The following CDYL variants were observed in gnomAD, a reference collection of about 807,000 sequenced individuals.
CDYL encodes chromodomain Y like.
CDYL carries 8 observed loss-of-function variants against 47.3 expected under a neutral mutation model. That is an observed-to-expected ratio of 0.17 (90% CI 0.10 to 0.31). The LOEUF (loss-of-function observed/expected upper bound fraction) is 0.31. Ranked by LOEUF, CDYL falls within the 10% of genes least tolerant of loss-of-function variation. The probability of loss-of-function intolerance (pLI) is 1.00; values close to 1 mark genes in which losing one functional copy is unlikely to be tolerated. For missense variants in CDYL, 471 were observed against 701.4 expected (o/e 0.67, Z 3.71); for synonymous variants, 266 against 265.0 (o/e 1.00, Z -0.04).
In CDYL at chr6:4,892,329, C is replaced by T; in HGVS notation, c.641C>T (p.Pro214Leu). 1 of 1,613,922 alleles carries T rather than the reference C, an allele frequency of 6.2e-7. No homozygotes were observed. ...ATACACCCACTAGTGCCTCAGGTGC[C>T]CGGCCCTGTGACTGCAGCCATGGCC... is the stretch of plus-strand genomic sequence containing the variant. The part of the protein sequence containing the change: ...PRIHPLVPQV[P>L]GPVTAAMATG... The change falls in exon 2 of 7, where the codon CCC (proline) becomes CTC (leucine). Residue 214 changes from proline (P) to leucine (L), a missense_variant. Physicochemically the swap from Pro to Leu is moderately conservative, Grantham distance 98 (BLOSUM62 -3). Around this residue, in one of 3 missense-constraint regions of CDYL, gnomAD observed 311 missense variants for 350.0 expected, o/e 0.89. Transcript: ENST00000397588.
At chr6:4,899,367 CA>C (rs1756945782) in intron 2 of CDYL, among the ~76,000 whole-genome samples, 1 of 152,164 alleles carries the variant, frequency 6.6e-6, no homozygotes, top group Non-Finnish European at 1.5e-5. Context: ...AAGAGGTCTC[CA>C]CACAAAAGAG....
At chr6:4,867,550 T>C (rs1761355613) in intron 1 of CDYL, among the ~76,000 whole-genome samples, 1 of 152,142 alleles carries the variant, frequency 6.6e-6, no homozygotes, top group African/African-American at 2.4e-5. Flanking sequence ...TTTTATTAAA[T>C]GCTTTGTCAA....
chr6:4,848,173 CAG>C (rs1346705570), intron 1 of CDYL, among the ~76,000 whole-genome samples: 1 of 152,068 alleles, frequency 6.6e-6, no homozygotes, highest in African/African-American at 2.4e-5. Context: ...CAATGTAAGG[CAG>C]GGTATTTTTG....
At chr6:4,750,988 G>A (rs1757979633) in intron 3 of CDYL, among the ~76,000 whole-genome samples, 1 of 151,670 alleles carries the variant, frequency 6.6e-6, no homozygotes, top group African/African-American at 2.4e-5. Context: ...GAGTAGCTGG[G>A]ACTACAGGCA....
chr6:4,949,815 GT>G (rs1406311453), intron 5 of CDYL, among the ~76,000 whole-genome samples: 2 of 152,248 alleles, frequency 1.3e-5, no homozygotes, highest in Non-Finnish European at 2.9e-5. Context: ...TGTTGTTGTT[GT>G]TTTCTTGGGT....
intron 3 of CDYL, among the ~76,000 whole-genome samples, chr6:4,749,409 G>A (rs974988788): frequency 1.6e-4 from 25 of 152,058 alleles, no homozygotes; most frequent in African/African-American, 6.0e-4. Context: ...ATGAATGAAT[G>A]TATGATGGAT....
At chr6:4,741,831 T>C (rs1757801890) in intron 3 of CDYL, among the ~76,000 whole-genome samples, 1 of 152,208 alleles carries the variant, frequency 6.6e-6, no homozygotes. Flanking sequence ...ACTGGTCCTC[T>C]GGCAGATATA....
At chr6:4,846,271 G>C (rs1379446351) in intron 1 of CDYL, among the ~76,000 whole-genome samples, 2 of 151,912 alleles carry the variant, frequency 1.3e-5, no homozygotes, top group South Asian at 4.2e-4. Context: ...AACCCCACAG[G>C]GTGCACGGCA....
rs144480558 is a variant in CDYL, at chr6:4,711,998, G to A, written c.-38-3743G>A. On this transcript the variant is annotated intron_variant, in intron 1 of 8. Transcript: ENST00000328908. ...GAGGATCGCTTGAGCCCAGAAGGTCGAGGCTGCAGTGAGCCATAACCACGC... is the reference window on the plus strand; with the variant it reads ...GAGGATCGCTTGAGCCCAGAAGGTCAAGGCTGCAGTGAGCCATAACCACGC... Among the ~76,000 whole-genome samples, 989 of 152,290 alleles carry A rather than the reference G, an allele frequency of 6.5e-3. 13 individuals are homozygous for A. The highest frequency in any genetic ancestry group is 0.022 in the African/African-American group (929 of 41,550).
At chr6:4,925,496 C>G (rs987829842) in intron 2 of CDYL, among the ~76,000 whole-genome samples, 1 of 147,738 alleles carries the variant, frequency 6.8e-6, no homozygotes, top group African/African-American at 2.5e-5. Flanking sequence ...ACTGCAAGCT[C>G]CGCCTCCCAG....
chr6:4,855,804 A>C (rs1439318722), intron 1 of CDYL, among the ~76,000 whole-genome samples: 1 of 152,208 alleles, frequency 6.6e-6, no homozygotes, highest in East Asian at 1.9e-4. Flanking sequence ...TTTATGACAC[A>C]CTAAGGGGTC....
At chr6:4,941,832 G>A (rs941520989) in intron 4 of CDYL, among the ~76,000 whole-genome samples, 72 of 152,124 alleles carry the variant, frequency 4.7e-4, no homozygotes, top group African/African-American at 1.6e-3. Context: ...CCAGATGTCA[G>A]CCTGGGCAAC....
intron 2 of CDYL, among the ~76,000 whole-genome samples, chr6:4,922,403 GATTA>G (rs1306589581): frequency 6.6e-6 from 1 of 152,328 alleles, no homozygotes; most frequent in South Asian, 2.1e-4. Flanking sequence ...GAGGACAGAT[GATTA>G]ATTAATATGT....
At chr6:4,729,411 C>T (rs147624932) in intron 2 of CDYL, among the ~76,000 whole-genome samples, 2 of 152,206 alleles carry the variant, frequency 1.3e-5, no homozygotes, top group East Asian at 3.9e-4. Flanking sequence ...ATTTCTAGAC[C>T]TTGATACCTT....
At chr6:4,769,177 G>A (rs778140029) in intron 3 of CDYL, among the ~76,000 whole-genome samples, 4 of 152,150 alleles carry the variant, frequency 2.6e-5, no homozygotes, top group Admixed American at 6.5e-5. Context: ...TGAATAAAGC[G>A]TGTATTTTAG....
intron 4 of CDYL, 148 bp from the exon 5 acceptor site, chr6:4,943,398 A>G: frequency 1.6e-6 from 1 of 627,776 alleles, no homozygotes. Context: ...TCTAGGGTCC[A>G]CAACTGCTGG....
At chr6:4,944,079 A>T (rs887968678) in intron 5 of CDYL, among the ~76,000 whole-genome samples, 1 of 152,226 alleles carries the variant, frequency 6.6e-6, no homozygotes, top group African/African-American at 2.4e-5. Flanking sequence ...CACTTTTAAG[A>T]GAAGGCAATT....
At chr6:4,742,399 G>C (rs1011794600) in intron 3 of CDYL, among the ~76,000 whole-genome samples, 2 of 150,734 alleles carry the variant, frequency 1.3e-5, no homozygotes, top group African/African-American at 4.9e-5. Flanking sequence ...AAAAGGAAGA[G>C]AGAAATATTG....
At chr6:4,948,809 A>G (rs572937265) in intron 5 of CDYL, among the ~76,000 whole-genome samples, 1 of 152,382 alleles carries the variant, frequency 6.6e-6, no homozygotes, top group Non-Finnish European at 1.5e-5. Context: ...CTTTCTGAGC[A>G]GAGTATCTGA....
Sources: allele counts gnomAD v4.1 joint callset (sites outside exome capture counted in the v4.1 genomes callset), GRCh38; gene constraint gnomAD v4.1.1; regional missense constraint gnomAD v4.1.1; transcripts MANE v1.5; gene names NCBI Gene and HGNC (gene_info 2026-07-23, HGNC 2026-07-21).